STON2: variants seen among roughly 807,000 people sequenced by gnomAD.
The protein encoded by STON2 is stonin-2.
STON2 carries 29 observed loss-of-function variants against 65.7 expected under a neutral mutation model. That is an observed-to-expected ratio of 0.44 (90% CI 0.33 to 0.60). The LOEUF (loss-of-function observed/expected upper bound fraction) is 0.60. Ranked by LOEUF, STON2 falls within the 20% of genes least tolerant of loss-of-function variation. The pLI, the probability that STON2 is intolerant of heterozygous loss-of-function variation, is 0.03. For synonymous variants in STON2, 404 were observed against 414.2 expected (o/e 0.98, Z 0.30); for missense variants, 1,054 against 1,118.1 (o/e 0.94, Z 0.82).
At chr14:81,419,408 A>G (rs1486401412) in intron 2 of STON2, among the ~76,000 whole-genome samples, 2 of 152,164 alleles carry the variant, frequency 1.3e-5, no homozygotes, top group Non-Finnish European at 2.9e-5. Flanking sequence ...TCACTGACAT[A>G]AAAGTTTATA....
intron 2 of STON2, chr14:81,412,971 T>C (rs769601430): frequency 1.9e-6 from 2 of 1,037,740 alleles, no homozygotes; most frequent in Admixed American, 1.8e-5. Flanking sequence ...TGGGTAACCA[T>C]GTGCGACCAA....
At chr14:81,325,627 T>G (rs1246070548) in intron 4 of STON2, among the ~76,000 whole-genome samples, 1 of 152,212 alleles carries the variant, frequency 6.6e-6, no homozygotes, top group African/African-American at 2.4e-5. Flanking sequence ...AAAGCATATA[T>G]GACTACCCTC....
intron 3 of STON2, among the ~76,000 whole-genome samples, chr14:81,379,016 ACAT>A (rs1439955102): frequency 6.6e-6 from 1 of 152,196 alleles, no homozygotes; most frequent in Non-Finnish European, 1.5e-5. Context: ...CTTCTGTTCA[ACAT>A]CATATTTATG....
At chr14:81,273,318 A>G (rs976138209) in intron 6 of STON2, among the ~76,000 whole-genome samples, 1 of 152,250 alleles carries the variant, frequency 6.6e-6, no homozygotes, top group South Asian at 2.1e-4. Context: ...AAGTCCACAC[A>G]TTCTGTCATT....
intron 4 of STON2, among the ~76,000 whole-genome samples, chr14:81,369,681 T>C (rs1273813425): frequency 6.6e-6 from 1 of 152,146 alleles, no homozygotes; most frequent in South Asian, 2.1e-4. Flanking sequence ...GTCATAAAGA[T>C]AGTAAGCTGG....
rs1189643192 is a variant in STON2, at chr14:81,260,767, T to C, written c.*7647A>G. ...TACAGAGATAGCCAGTGTGTAGACT[T>C]TATTACATAGGCACATATTAAAAAA... On this transcript the variant is annotated 3_prime_UTR_variant, in exon 8 of 8. Coordinates refer to ENST00000614646, the MANE Select transcript of STON2 (RefSeq NM_001394390.1). The C allele has an allele frequency of 6.6e-6, 1 of 152,052 alleles. No homozygotes were observed. The highest frequency in any genetic ancestry group is 1.5e-5 in the Non-Finnish European group (1 of 68,040). 9.4% of individuals were successfully genotyped at this position (152,052 alleles called of 1,614,324 possible).
At chr14:81,347,419 T>C (rs560354320) in intron 4 of STON2, among the ~76,000 whole-genome samples, 2 of 151,906 alleles carry the variant, frequency 1.3e-5, no homozygotes, top group Admixed American at 6.6e-5. Flanking sequence ...AGTAATGAAA[T>C]TGAATCAGCA....
chr14:81,426,114 T>C (rs567467448), intron 2 of STON2, among the ~76,000 whole-genome samples: 16 of 152,306 alleles, frequency 1.1e-4, no homozygotes, highest in Middle Eastern at 3.4e-3. Context: ...AGATGGGCAT[T>C]TTTAACCACC....
At chr14:81,338,823 A>G (rs895478415) in intron 4 of STON2, among the ~76,000 whole-genome samples, 3 of 152,172 alleles carry the variant, frequency 2.0e-5, no homozygotes, top group African/African-American at 7.2e-5. Context: ...CTGTATTGAG[A>G]GTAAGAGCGA....
rs566308778 is a variant in STON2 at position 81,413,591 on chromosome 14, C to G, written c.-199+13511G>C. Among the ~76,000 whole-genome samples, 3 of 138,550 alleles carry G rather than the reference C, an allele frequency of 2.2e-5. 1 individual carries two copies. 90.9% of individuals were successfully genotyped at this position (138,550 alleles called of 152,430 possible). A position where few individuals can be genotyped will look rare whatever the true frequency, so the allele number is the denominator to read the frequency against. On this transcript the variant is annotated intron_variant, in intron 2 of 8. Transcript: ENST00000553821. ...CAGGCAGATCAAGTGGTCAGGTGTT[C>G]GAGACCAGCCTGACCAACATGGTGA...
chr14:81,433,287 T>C (rs182349212), intron 1 of STON2, among the ~76,000 whole-genome samples: 1 of 152,320 alleles, frequency 6.6e-6, no homozygotes, highest in East Asian at 1.9e-4. Context: ...GCCACCGTAT[T>C]TGCCCTGGCC....
intron 4 of STON2, among the ~76,000 whole-genome samples, chr14:81,344,424 G>A (rs1387922915): frequency 6.6e-6 from 1 of 152,058 alleles, no homozygotes; most frequent in Admixed American, 6.6e-5. Flanking sequence ...TTAAATAGAG[G>A]CCAATACAGC....
chr14:81,383,296 A>C (rs1369890915), intron 3 of STON2, among the ~76,000 whole-genome samples: 1 of 152,204 alleles, frequency 6.6e-6, no homozygotes, highest in Non-Finnish European at 1.5e-5. Flanking sequence ...AATGGAGCTG[A>C]AGAGAGTACA....
chr14:81,396,165 C>T lies in STON2; in HGVS notation c.102G>A (p.Glu34=). The T allele has an allele frequency of 6.2e-7, 1 of 1,609,814 alleles. No individual in the cohort carries two copies. Among genetic ancestry groups the T allele is most frequent in the Non-Finnish European group, 8.5e-7 (1 of 1,177,934 alleles). ...GGGAAGATGACAGTCCTGGGAGGTG[C>T]TCTTCCGTGCCCCCTGAAACAGATA... ...FPAHSQGGTE[E]HLPGLSSSPD... is the part of the protein sequence containing the mutation. Residue 34 remains glutamate, a synonymous_variant, in exon 3 of 8, where the codon GAG becomes GAA. Transcript: ENST00000614646.
intron 6 of STON2, among the ~76,000 whole-genome samples, chr14:81,274,011 AC>A (rs1193064199): frequency 1.3e-5 from 2 of 152,130 alleles, no homozygotes. Context: ...CTGAAAGATA[AC>A]CATCAATTCT....
At chr14:81,312,771 C>A (rs1179055822) in intron 5 of STON2, among the ~76,000 whole-genome samples, 1 of 152,256 alleles carries the variant, frequency 6.6e-6, no homozygotes, top group East Asian at 1.9e-4. Flanking sequence ...TTGCAGGAAC[C>A]TGCCAATCCT....
chr14:81,421,753 G>A (rs1044102534), intron 2 of STON2, among the ~76,000 whole-genome samples: 1 of 152,214 alleles, frequency 6.6e-6, no homozygotes, highest in South Asian at 2.1e-4. Context: ...GGGAGGTGAT[G>A]AGCTTAGCAT....
chr14:81,300,827 G>A (rs1895942495), intron 5 of STON2, among the ~76,000 whole-genome samples: 1 of 152,068 alleles, frequency 6.6e-6, no homozygotes, highest in African/African-American at 2.4e-5. Flanking sequence ...CTACTCCTAT[G>A]TTTGTTCTCA....
chr14:81,270,764 G>A lies in STON2; in HGVS notation c.2690C>T (p.Thr897Ile), dbSNP rs192105001. Residue 897 changes from threonine (T) to isoleucine (I), a missense_variant, in exon 7 of 8, where the codon ACT becomes ATT. Transcript: ENST00000614646. ...HVNVEFSMPT[T>I]SASKASVRSI... ...TCTCACGCTGGCTTTGGAGGCAGAA[G>A]TTGTGGGCATGCTGAACTCGACATT... is the stretch of plus-strand genomic sequence containing the variant. 8.1e-6 allele frequency: 13 copies of A among 1,614,196 alleles called. No individual in the cohort carries two copies. The Admixed American group carries it at 2.2e-4, about 27-fold the overall frequency.
Sources: allele counts gnomAD v4.1 joint callset (sites outside exome capture counted in the v4.1 genomes callset), GRCh38; gene constraint gnomAD v4.1.1; transcripts MANE v1.5; gene names NCBI Gene and HGNC (gene_info 2026-07-23, HGNC 2026-07-21).